CEP55: variants seen among roughly 807,000 people sequenced by gnomAD.
The protein encoded by CEP55 is centrosomal protein of 55 kDa.
In CEP55, 57 loss-of-function variants were observed where a neutral mutation model predicts 63.2. The observed-to-expected ratio is 0.90, with a 90% CI of 0.73 to 1.13. CEP55 has a LOEUF of 1.13. Ranked by LOEUF, CEP55 falls within the 50% of genes most tolerant of loss-of-function variation. CEP55 has a pLI of 0.00. For synonymous variants in CEP55, 178 were observed against 191.6 expected, an observed-to-expected ratio of 0.93 and a Z score of 0.59; for missense variants, 456 against 518.9, an observed-to-expected ratio of 0.88 and a Z score of 1.18.
chr10:93,519,854 A>G, intron 8 of CEP55, 47 bp downstream of exon 8: 1 of 1,605,164 alleles, frequency 6.2e-7, no homozygotes, highest in Non-Finnish European at 8.5e-7. Context: ...TCTTCCATTT[A>G]TATACCAAAT....
Position 93,519,136 on chromosome 10 carries a change from T to C in CEP55, c.1065+188T>C, listed in dbSNP as rs1481174917. 9.3e-6 allele frequency: 5 copies of C among 538,916 alleles called. No homozygotes were observed. The South Asian group carries it at 1.0e-4, about 11-fold the overall frequency. 33.4% of individuals were successfully genotyped at this position (538,916 alleles called of 1,614,324 possible). ...AGACTCTGCTAGCCACTTATTCCTG[T>C]TGCTGACCTTAGGCTAAACAGATTC... On this transcript the variant is annotated intron_variant, in intron 7 of 8. Transcript: ENST00000371485.
At chr10:93,506,090 G>T (rs1019915938) in intron 3 of CEP55, among the ~76,000 whole-genome samples, 6 of 151,438 alleles carry the variant, frequency 4.0e-5, no homozygotes, top group African/African-American at 1.2e-4. Flanking sequence ...GACTACAGGT[G>T]CGCTACCATG....
At chr10:93,515,015 C>T (rs2057789491) in intron 4 of CEP55, among the ~76,000 whole-genome samples, 1 of 152,154 alleles carries the variant, frequency 6.6e-6, no homozygotes, top group Non-Finnish European at 1.5e-5. Flanking sequence ...TCAGGTGATC[C>T]ACCACCCTCG....
intron 2 of CEP55, among the ~76,000 whole-genome samples, chr10:93,502,315 T>A (rs970996976): frequency 6.6e-6 from 1 of 152,162 alleles, no homozygotes; most frequent in Non-Finnish European, 1.5e-5. Flanking sequence ...TACTACTGAT[T>A]TGAGTTAAGC....
intron 2 of CEP55, 80 bp downstream of exon 2, chr10:93,500,314 C>T (rs1418249582): frequency 1.7e-6 from 2 of 1,177,142 alleles, no homozygotes; most frequent in South Asian, 2.7e-5. Context: ...TACCTTCTTA[C>T]TCTTGCCGTG....
chr10:93,526,727 A>T (rs2057926785), intron 8 of CEP55, among the ~76,000 whole-genome samples: 1 of 152,244 alleles, frequency 6.6e-6, no homozygotes, highest in South Asian at 2.1e-4. Flanking sequence ...AATGTGGCAC[A>T]TATACACCAT....
In CEP55 at chr10:93,527,837, T is replaced by G. The variant is rs1241874960; in HGVS notation, c.1192-113T>G. On this transcript the variant is annotated intron_variant, in intron 8 of 8. Coordinates refer to ENST00000371485, the MANE Select transcript of CEP55 (RefSeq NM_018131.5). ...TCGAGGCTGCAGTGAGCCATGTTTG[T>G]GCCACTACACTCTGGCCTGGGTGAC... 4.7e-6 allele frequency: 4 copies of G among 843,876 alleles called. No individual in the cohort carries two copies. In the East Asian group the frequency reaches 7.9e-5, roughly 17 times the overall value. The allele number at this position is 843,876 out of a possible 1,614,324, so 52.3% of individuals were successfully genotyped here. A position where few individuals can be genotyped will look rare whatever the true frequency, so the allele number is the denominator to read the frequency against.
At chr10:93,505,730 T>C (rs1462165749) in intron 3 of CEP55, among the ~76,000 whole-genome samples, 1 of 152,234 alleles carries the variant, frequency 6.6e-6, no homozygotes, top group Non-Finnish European at 1.5e-5. Flanking sequence ...CTATGTTTGT[T>C]GGCCAGCCTG....
rs2057944935 is a variant in CEP55, at chr10:93,528,243, G to C, written c.*90G>C. 1 of 1,100,360 alleles carries C rather than the reference G, an allele frequency of 9.1e-7. No individual in the cohort carries two copies. Among genetic ancestry groups the C allele is most frequent in the Admixed American group, 2.1e-5 (1 of 48,138 alleles). 68.2% of individuals were successfully genotyped at this position (1,100,360 alleles called of 1,614,324 possible). ...TTTTGAATTATATATTTCACATTTT[G>C]CATAAAACTGCCTATCTACCTTTGA... On this transcript the variant is annotated 3_prime_UTR_variant, in exon 9 of 9. Transcript: ENST00000371485.
chr10:93,517,717 A>G (rs2057818978), intron 6 of CEP55, among the ~76,000 whole-genome samples: 2 of 152,258 alleles, frequency 1.3e-5, no homozygotes, highest in African/African-American at 2.4e-5. Context: ...TGTTCTTGTT[A>G]TGCTCATAGC....
intron 4 of CEP55, chr10:93,510,404 A>AT (rs2057733209): frequency 6.6e-6 from 1 of 152,240 alleles, no homozygotes; most frequent in South Asian, 2.1e-4. Flanking sequence ...ATAATAACAT[A>AT]TAACGCCCAT....
intron 6 of CEP55, among the ~76,000 whole-genome samples, chr10:93,517,588 C>T (rs1388069987): frequency 2.6e-5 from 4 of 152,034 alleles, no homozygotes; most frequent in Admixed American, 2.6e-4. Flanking sequence ...AGGAGGAGGT[C>T]AGTATATGTG....
chr10:93,519,600 T>C, intron 7 of CEP55, 82 bp from the exon 8 acceptor site: 1 of 1,437,222 alleles, frequency 7.0e-7, no homozygotes. Context: ...CTTCATGTGC[T>C]AATAAAAAAA....
chr10:93,515,303 A>G (rs76433623), intron 4 of CEP55, 102 bp from the exon 5 acceptor site: 96,519 of 1,045,658 alleles, frequency 0.092, 5,201 homozygotes, highest in Non-Finnish European at 0.11. Context: ...TATGAGCCAT[A>G]GAGTTTTTGT....
At chr10:93,498,720 A>G (rs2057600466) in intron 1 of CEP55, among the ~76,000 whole-genome samples, 1 of 151,914 alleles carries the variant, frequency 6.6e-6, no homozygotes, top group Non-Finnish European at 1.5e-5. Context: ...AATATTTATT[A>G]CAGTTTGAGG....
intron 3 of CEP55, 92 bp downstream of exon 3, chr10:93,503,480 C>A: frequency 1.6e-6 from 2 of 1,237,804 alleles, no homozygotes; most frequent in Non-Finnish European, 2.3e-6. Context: ...GACATGCTTC[C>A]CAAATGATGA....
intron 5 of CEP55, among the ~76,000 whole-genome samples, chr10:93,516,443 T>G (rs1322516551): frequency 6.6e-6 from 1 of 151,928 alleles, no homozygotes; most frequent in Non-Finnish European, 1.5e-5. Context: ...TTTCTTTTCT[T>G]TGGTAATACA....
At chr10:93,519,250 A>T (rs1325862104) in intron 7 of CEP55, 3 of 415,428 alleles carry the variant, frequency 7.2e-6, no homozygotes, top group Non-Finnish European at 1.3e-5. Context: ...CTAGCCTAAC[A>T]ATGTCTCCTA....
At chr10:93,502,240 A>G (rs1462863439) in intron 2 of CEP55, among the ~76,000 whole-genome samples, 2 of 152,140 alleles carry the variant, frequency 1.3e-5, no homozygotes, top group Non-Finnish European at 2.9e-5. Flanking sequence ...GTAGTGTTAC[A>G]TCTACTTAGC....
Sources: gnomAD v4.1 joint callset for allele counts (sites outside exome capture counted in the v4.1 genomes callset) on GRCh38, gnomAD v4.1.1 for gene constraint, MANE v1.5 for transcripts, NCBI Gene and HGNC (gene_info 2026-07-23, HGNC 2026-07-21) for gene names.